Variants in POLK observed in about 807,000 individuals in gnomAD.
The protein encoded by POLK is DNA polymerase kappa, also known as polymerase (DNA directed) kappa.
POLK carries 76 observed loss-of-function variants against 94.0 expected under a neutral mutation model. The ratio of observed to expected loss-of-function variants is 0.81; its 90% CI spans 0.67 to 0.98. POLK has a LOEUF of 0.98. Ranked by LOEUF, POLK falls within the 50% of genes least tolerant of loss-of-function variation. POLK has a pLI of 0.00. For synonymous variants in POLK, 349 were observed against 325.4 expected (o/e 1.07, Z -0.78); for missense variants, 954 against 1,010.1 (o/e 0.94, Z 0.75).
chr5:75,564,786 T>G (rs547521630), intron 3 of POLK, among the ~76,000 whole-genome samples: 1 of 152,202 alleles, frequency 6.6e-6, no homozygotes, highest in East Asian at 1.9e-4. Flanking sequence ...CTTTGTAACC[T>G]GACCTTTCTC....
At chr5:75,520,865 T>C (rs943764731) in intron 1 of POLK, among the ~76,000 whole-genome samples, 6 of 152,196 alleles carry the variant, frequency 3.9e-5, no homozygotes, top group Admixed American at 6.5e-5. Flanking sequence ...TTTTTTGTAG[T>C]TGAAGGATGG....
intron 3 of POLK, among the ~76,000 whole-genome samples, chr5:75,554,404 G>C (rs1770487811): frequency 6.6e-6 from 1 of 151,570 alleles, no homozygotes; most frequent in Non-Finnish European, 1.5e-5. Context: ...TAATTTTGTA[G>C]TTTTTCCCAT....
exon 1 of POLK, chr5:75,511,820 G>C: frequency 6.4e-7 from 1 of 1,551,352 alleles, no homozygotes; most frequent in Non-Finnish European, 8.7e-7. Context: ...GGAGAGGGCG[G>C]GGTAGGGATG....
chr5:75,569,529 A>G, intron 4 of POLK, 37 bp downstream of exon 4: 1 of 1,545,440 alleles, frequency 6.5e-7, no homozygotes, highest in African/African-American at 1.4e-5. Flanking sequence ...AAATTTTATA[A>G]CGTACTCAAG....
At chr5:75,574,183 T>C (rs1382423371) in intron 5 of POLK, among the ~76,000 whole-genome samples, 1 of 152,202 alleles carries the variant, frequency 6.6e-6, no homozygotes. Flanking sequence ...ATGTACAATA[T>C]ACATTTTTTC....
chr5:75,590,407 G>C, exon 11 of POLK: 1 of 1,609,650 alleles, frequency 6.2e-7, no homozygotes, highest in Non-Finnish European at 8.5e-7. Flanking sequence ...TTTGCAGTGA[G>C]CTTGCTCAGG....
chr5:75,583,211 T>G, intron 7 of POLK, 82 bp from the exon 8 acceptor site: 1 of 1,016,426 alleles, frequency 9.8e-7, no homozygotes, highest in Non-Finnish European at 1.4e-6. Flanking sequence ...TGCAATTAAC[T>G]TTTTTTTTCT....
chr5:75,600,546 G>A (rs1773274321), exon 15 of POLK: 1 of 152,114 alleles, frequency 6.6e-6, no homozygotes, highest in Non-Finnish European at 1.5e-5. Flanking sequence ...ATCCTAGGAA[G>A]CATGTACAAG....
chr5:75,538,015 C>T (rs1769538222), intron 1 of POLK, among the ~76,000 whole-genome samples: 1 of 151,980 alleles, frequency 6.6e-6, no homozygotes, highest in Non-Finnish European at 1.5e-5. Flanking sequence ...TGCCACCACA[C>T]CTGGCTAATT....
At chr5:75,573,433 C>T (rs981881345) in intron 4 of POLK, among the ~76,000 whole-genome samples, 1 of 152,046 alleles carries the variant, frequency 6.6e-6, no homozygotes, top group African/African-American at 2.4e-5. Context: ...TTAATGGGTG[C>T]AGCACACCAA....
At chr5:75,576,900 T>C in exon 6 of POLK, 1 of 1,567,172 alleles carries the variant, frequency 6.4e-7, no homozygotes, top group Non-Finnish European at 8.6e-7. Context: ...TAAAAGAAGG[T>C]ATTTCATCAA....
intron 10 of POLK, among the ~76,000 whole-genome samples, chr5:75,588,159 T>C (rs1263162454): frequency 1.3e-5 from 2 of 152,208 alleles, no homozygotes; most frequent in African/African-American, 2.4e-5. Flanking sequence ...TGCCATTTTC[T>C]CTGCTATTGG....
At chr5:75,535,344 C>T (rs903583503) in intron 1 of POLK, among the ~76,000 whole-genome samples, 2 of 152,110 alleles carry the variant, frequency 1.3e-5, no homozygotes, top group African/African-American at 4.8e-5. Flanking sequence ...TAATGGGGCT[C>T]CCTTTGTAGG....
downstream of POLK, among the ~76,000 whole-genome samples, chr5:75,604,368 G>A (rs1773369347): frequency 6.6e-6 from 1 of 152,058 alleles, no homozygotes. Context: ...ATCATACCTG[G>A]TGTACCTGGT....
intron 3 of POLK, among the ~76,000 whole-genome samples, chr5:75,556,798 A>G (rs1217970839): frequency 1.3e-5 from 2 of 151,752 alleles, no homozygotes; most frequent in South Asian, 2.1e-4. Flanking sequence ...GTGGCGGCTC[A>G]CGCCTGTAAT....
At chr5:75,574,860 G>C (rs1771788011) in intron 5 of POLK, among the ~76,000 whole-genome samples, 1 of 152,110 alleles carries the variant, frequency 6.6e-6, no homozygotes, top group South Asian at 2.1e-4. Flanking sequence ...TAATTAAAAA[G>C]AGATAAAATA....
At chr5:75,577,554 C>T (rs1771959984) in intron 6 of POLK, among the ~76,000 whole-genome samples, 1 of 152,076 alleles carries the variant, frequency 6.6e-6, no homozygotes, top group African/African-American at 2.4e-5. Flanking sequence ...AACATTTTGT[C>T]AAAGGTATGA....
intron 12 of POLK, among the ~76,000 whole-genome samples, chr5:75,595,171 G>T (rs974175771): frequency 3.5e-5 from 5 of 143,906 alleles, no homozygotes; most frequent in African/African-American, 1.3e-4. Context: ...AGAATCGCTT[G>T]AACCCGGGAA....
At chr5:75,535,069 A>C (rs542378996) in intron 1 of POLK, 1 of 152,288 alleles carries the variant, frequency 6.6e-6, no homozygotes, top group African/African-American at 2.4e-5. Flanking sequence ...TGTGTAGTTA[A>C]ATGTGCTTTT....
Sources: allele counts gnomAD v4.1 joint callset (sites outside exome capture counted in the v4.1 genomes callset), GRCh38; gene constraint gnomAD v4.1.1; transcripts MANE v1.5; gene names NCBI Gene and HGNC (gene_info 2026-07-23, HGNC 2026-07-21).